The following INTS1 variants were observed in gnomAD, a reference collection of about 807,000 sequenced individuals.
INTS1 encodes integrator complex subunit 1.
In INTS1, 137 loss-of-function variants were observed where a neutral mutation model predicts 241.6. The observed-to-expected ratio is 0.57, with a 90% CI of 0.49 to 0.65. INTS1 has a LOEUF of 0.65. INTS1 is among the 30% of genes least tolerant of loss of function. The pLI is 0.00. For synonymous variants in INTS1, 1,692 were observed against 1,337.8 expected, an observed-to-expected ratio of 1.26 and a Z score of -5.78; for missense variants, 3,073 against 3,032.2, an observed-to-expected ratio of 1.01 and a Z score of -0.32.
chr7:1,499,276 T>A lies in INTS1; in HGVS notation c.929A>T (p.Gln310Leu). The change falls in exon 7 of 48, where the codon CAG becomes CTG. Residue 310 changes from glutamine (Q) to leucine (L), a missense_variant. Gln to Leu is a moderately radical substitution (Grantham distance 113). Coordinates refer to ENST00000404767, the MANE Select transcript of INTS1 (RefSeq NM_001080453.3). Reference protein sequence around the residue: ...LIAEEKLSPEQEGQLMPRYEE... With the variant: ...LIAEEKLSPELEGQLMPRYEE... Reference sequence around the variant, plus strand: ...CTACCTGGGCATGAGCTGGCCCTCCTGCTCGGGGCTCAGCTTCTCCTCCGC... The same window carrying A: ...CTACCTGGGCATGAGCTGGCCCTCCAGCTCGGGGCTCAGCTTCTCCTCCGC... The A allele has an allele frequency of 2.5e-6, 4 of 1,610,004 alleles. No homozygotes were observed. Among genetic ancestry groups the A allele is most frequent in the Non-Finnish European group, 2.5e-6 (3 of 1,178,836 alleles).
intron 12 of INTS1, among the ~76,000 whole-genome samples, 191 bp from the exon 13 acceptor site, chr7:1,495,744 TGGAA>T (rs1275071811): frequency 3.9e-5 from 6 of 152,146 alleles, no homozygotes; most frequent in African/African-American, 7.2e-5. Context: ...CGTGGGTGAC[TGGAA>T]TCCTCCTGTT....
At chr7:1,491,383 T>C (rs1452201047) in intron 16 of INTS1, among the ~76,000 whole-genome samples, 1 of 152,158 alleles carries the variant, frequency 6.6e-6, no homozygotes, top group Non-Finnish European at 1.5e-5. Context: ...GACAGCTGGA[T>C]GGCCACACAC....
At position 1,471,698 on chromosome 7, in the gene INTS1, C is replaced by A; in HGVS notation, c.6185-57G>T. ...AAGGGCCCAGGCAGACCTCTGCCCA[C>A]CCCACCCCAGCCACCCAGAGGGGGC... On this transcript the variant is annotated intron_variant, in intron 44 of 47. Transcript: ENST00000404767. The A allele has an allele frequency of 1.2e-5, 19 of 1,554,340 alleles. 1 individual carries two copies. The South Asian group carries it at 2.1e-4, about 17-fold the overall frequency.
chr7:1,476,766 C>CCCAGGTT, intron 36 of INTS1, 28 bp downstream of exon 36: 1 of 1,612,538 alleles, frequency 6.2e-7, no homozygotes, highest in Non-Finnish European at 8.5e-7. Context: ...ATGCGCGCAG[C>CCCAGGTT]CCAGGTTGGG....
In INTS1 at chr7:1,498,407, C is replaced by CCTA; in HGVS notation, c.1425+2_1425+4dup. On this transcript the variant is annotated splice_donor_region_variant and intron_variant, in intron 10 of 47. Transcript: ENST00000404767. The stretch of plus-strand genomic sequence containing the variant: ...GGAGGGCAAGGCCAGGGACCCTGGG[C>CCTA]CTACCTTGGGCGCCAGCTCTGAGCT... 1 of 1,613,520 alleles carries CCTA rather than the reference C, an allele frequency of 6.2e-7. No individual in the cohort carries two copies. The highest frequency in any genetic ancestry group is 8.5e-7 in the Non-Finnish European group (1 of 1,179,804).
intron 39 of INTS1, among the ~76,000 whole-genome samples, chr7:1,475,206 G>A (rs1781653208): frequency 6.6e-6 from 1 of 152,072 alleles, no homozygotes; most frequent in African/African-American, 2.4e-5. Flanking sequence ...AATGAAAATA[G>A]CCCTCTCTAT....
chr7:1,471,709 C>G, intron 44 of INTS1, 68 bp from the exon 45 acceptor site: 1 of 1,500,236 alleles, frequency 6.7e-7, no homozygotes, highest in Non-Finnish European at 9.3e-7. Flanking sequence ...CCCACCCCAG[C>G]CACCCAGAGG....
At position 1,483,795 on chromosome 7, in the gene INTS1, T is replaced by A; in HGVS notation, c.3488A>T (p.His1163Leu). 1 of 1,612,508 alleles carries A rather than the reference T, an allele frequency of 6.2e-7. No homozygotes were observed. The highest frequency in any genetic ancestry group is 1.7e-5 in the Admixed American group (1 of 60,018). Residue 1163 changes from histidine to leucine, a missense_variant, in exon 26 of 48, where the codon CAC becomes CTC. Coordinates refer to ENST00000404767, the MANE Select transcript of INTS1 (RefSeq NM_001080453.3). ...RWSSGETATM[H>L]ILVVHAMVIL... is the part of the protein sequence containing the mutation. ...CACCATGGCATGGACCACGAGGATG[T>A]GCATGGTGGCTGTCTCCCCGCTGCT...
Position 1,476,871 on chromosome 7 carries a change from G to C in INTS1, c.4986C>G (p.Thr1662=). The change falls in exon 36 of 48, where the codon ACC becomes ACG. Residue 1662 remains threonine, a synonymous_variant. Coordinates refer to ENST00000404767, the MANE Select transcript of INTS1 (RefSeq NM_001080453.3). ...QVPSFRPYLL[T]LFTHQSSWPT... is the part of the protein sequence containing the mutation. ...GCCAGCTGGACTGATGCGTGAAGAG[G>C]GTCAGGAGGTAGGGACGGAACGAGG... is the stretch of plus-strand genomic sequence containing the variant. 1 of 1,612,810 alleles carries C rather than the reference G, an allele frequency of 6.2e-7. No individual in the cohort carries two copies. The highest frequency in any genetic ancestry group is 8.5e-7 in the Non-Finnish European group (1 of 1,179,788).
At chr7:1,482,897 C>G (rs1315727788) in intron 26 of INTS1, 190 bp from the exon 27 acceptor site, 1 of 624,144 alleles carries the variant, frequency 1.6e-6, no homozygotes, top group African/African-American at 1.9e-5. Context: ...GCATTTGATC[C>G]TCACAGATGC....
At chr7:1,479,771 GT>G in intron 30 of INTS1, 87 bp from the exon 31 acceptor site, 1 of 1,347,524 alleles carries the variant, frequency 7.4e-7, no homozygotes, top group South Asian at 1.6e-5. Flanking sequence ...GTGCAGCTCC[GT>G]GCCAGAACCG....
intron 40 of INTS1, 83 bp from the exon 41 acceptor site, chr7:1,474,443 C>A: frequency 7.1e-7 from 1 of 1,408,266 alleles, no homozygotes; most frequent in Non-Finnish European, 9.4e-7. Flanking sequence ...ACTGCCTGCC[C>A]CGGGAGCCAG....
At chr7:1,500,448 G>T in intron 3 of INTS1, 82 bp from the exon 4 acceptor site, 3 of 1,399,280 alleles carry the variant, frequency 2.1e-6, no homozygotes, top group South Asian at 2.9e-5. Flanking sequence ...AGACCACGAG[G>T]AACCCAGAGC....
Position 1,499,486 on chromosome 7 carries a change from G to C in INTS1, c.831C>G (p.Gly277=). The C allele has an allele frequency of 6.3e-7, 1 of 1,598,394 alleles. No individual in the cohort carries two copies. Among genetic ancestry groups the C allele is most frequent in the Non-Finnish European group, 8.5e-7 (1 of 1,172,936 alleles). The change falls in exon 6 of 48, where the codon GGC becomes GGG. Residue 277 remains glycine, a synonymous_variant. Coordinates refer to ENST00000404767, the MANE Select transcript of INTS1 (RefSeq NM_001080453.3). ...LLQGEAGRVA[G]DLGAGSSPHP... ...CGTGTGTCTCACCTGCACCCAGGTC[G>C]CCCGCAACGCGGCCCGCCTCCCCCT... is the stretch of plus-strand genomic sequence containing the variant.
Position 1,470,514 on chromosome 7 carries a change from T to TAAA in INTS1, c.*62_*63insTTT. 7.7e-7 allele frequency: 1 copy of TAAA among 1,306,026 alleles called. No homozygotes were observed. Among genetic ancestry groups the TAAA allele is most frequent in the South Asian group, 1.4e-5 (1 of 71,772 alleles). The allele number at this position is 1,306,026 out of a possible 1,614,324, so 80.9% of individuals were successfully genotyped here. On this transcript the variant is annotated 3_prime_UTR_variant, in exon 48 of 48. Transcript: ENST00000404767. Reference sequence around the variant, plus strand: ...AGCAACGCCCACGCTTCCTGGGCTTTGCCTCGAGGATCCCCGGGGACGGGA... The same window carrying TAAA: ...AGCAACGCCCACGCTTCCTGGGCTTTAAAGCCTCGAGGATCCCCGGGGACGGGA...
At position 1,502,997 on chromosome 7, in the gene INTS1, G is replaced by C. The variant is rs758667156; in HGVS notation, c.253C>G (p.Pro85Ala). 3 of 1,613,822 alleles carry C rather than the reference G, an allele frequency of 1.9e-6. No individual in the cohort carries two copies. Among genetic ancestry groups the C allele is most frequent in the South Asian group, 1.1e-5 (1 of 91,086 alleles). Reference sequence around the variant, plus strand: ...GCCAGGCGCCCCAGGGCACTCAGAGGGGGTGTGGAGGAGAGTTTGGGGCGT... The same window carrying C: ...GCCAGGCGCCCCAGGGCACTCAGAGCGGGTGTGGAGGAGAGTTTGGGGCGT... The part of the protein sequence containing the change: ...TKRPKLSSTP[P>A]LSALGRLAEA... The change falls in exon 3 of 48, where the codon CCT (proline) becomes GCT (alanine). Residue 85 changes from proline to alanine, a missense_variant. Transcript: ENST00000404767.
rs77317268 is a variant in INTS1, at chr7:1,492,407, G to A, written c.2165+603C>T. Among the ~76,000 whole-genome samples the A allele has an allele frequency of 2.7e-3, 408 of 152,302 alleles. 3 individuals are homozygous for A. The highest frequency in any genetic ancestry group is 9.1e-3 in the African/African-American group (379 of 41,564). Reference sequence around the variant, plus strand: ...AAAAGGGCCGCTCTACAGAGGTGACGGCAGGTGAGCAGCTGCGTGGGCTGC... The same window carrying A: ...AAAAGGGCCGCTCTACAGAGGTGACAGCAGGTGAGCAGCTGCGTGGGCTGC... On this transcript the variant is annotated intron_variant, in intron 16 of 47. Coordinates refer to ENST00000404767, the MANE Select transcript of INTS1 (RefSeq NM_001080453.3).
rs149269128 is a variant in INTS1 at position 1,477,534 on chromosome 7, G to A, written c.4938+16C>T. 5.2e-5 allele frequency: 78 copies of A among 1,497,568 alleles called. No individual in the cohort carries two copies. The highest frequency in any genetic ancestry group is 6.8e-5 in the Non-Finnish European group (77 of 1,124,746). 92.8% of individuals were successfully genotyped at this position (1,497,568 alleles called of 1,614,324 possible). A position where few individuals can be genotyped will look rare whatever the true frequency, so the allele number is the denominator to read the frequency against. The stretch of plus-strand genomic sequence containing the variant: ...CCCTGGGGTGGGTCCCCGTGCTGAA[G>A]CTGGGTGCCACCCACCTTCCTCCGG... On this transcript the variant is annotated intron_variant, in intron 35 of 47. Coordinates refer to ENST00000404767, the MANE Select transcript of INTS1 (RefSeq NM_001080453.3).
In INTS1 at chr7:1,499,003, T is replaced by C. The variant is rs200286642; in HGVS notation, c.1109A>G (p.Lys370Arg). The C allele has an allele frequency of 1.0e-3, 1,401 of 1,378,194 alleles. 8 individuals are homozygous for C. In the African/African-American group the frequency reaches 0.019, roughly 19 times the overall value. The allele number at this position is 1,378,194 out of a possible 1,614,324, so 85.4% of individuals were successfully genotyped here. The change falls in exon 8 of 48, where the codon AAG (lysine) becomes AGG (arginine). Residue 370 changes from lysine (K) to arginine (R), a missense_variant. Transcript: ENST00000404767. ...YKEVRLLAVQ[K>R]LEMWLQNPKL... is the part of the protein sequence containing the mutation. ...GGGGTTCTGCAGCCACATCTCCAGC[T>C]TCTGCACCGCCAGCAGCCGCACCTC...
Sources: gnomAD v4.1 joint callset for allele counts (sites outside exome capture counted in the v4.1 genomes callset) on GRCh38, gnomAD v4.1.1 for gene constraint, MANE v1.5 for transcripts, NCBI Gene and HGNC (gene_info 2026-07-23, HGNC 2026-07-21) for gene names.